The following TRAPPC9 variants were observed in gnomAD, a reference collection of about 807,000 sequenced individuals.
TRAPPC9 encodes the protein trafficking protein particle complex subunit 9.
A neutral mutation model predicts 124.0 loss-of-function variants in TRAPPC9; 83 were observed. That is an observed-to-expected ratio of 0.67 (90% confidence interval 0.56 to 0.80). The LOEUF is 0.80. TRAPPC9 is among the 30% of genes least tolerant of loss of function. The probability of loss-of-function intolerance (pLI) is 0.00; values close to 1 mark genes in which losing one functional copy is unlikely to be tolerated. For synonymous variants in TRAPPC9, 638 were observed against 617.5 expected (o/e 1.03, Z -0.49); for missense variants, 1,302 against 1,508.3 (o/e 0.86, Z 2.27).
chr8:140,307,150 G>A (rs990728573), intron 10 of TRAPPC9, among the ~76,000 whole-genome samples: 8 of 152,186 alleles, frequency 5.3e-5, no homozygotes, highest in Non-Finnish European at 1.0e-4. Flanking sequence ...TCCTTTACAG[G>A]TGTTACTAAA....
At chr8:140,005,034 G>T (rs973142093) in intron 18 of TRAPPC9, among the ~76,000 whole-genome samples, 1 of 152,142 alleles carries the variant, frequency 6.6e-6, no homozygotes, top group African/African-American at 2.4e-5. Context: ...GAAAGCCAGG[G>T]AACCTAATTC....
chr8:140,306,045 C>T (rs955479081), intron 10 of TRAPPC9, among the ~76,000 whole-genome samples: 1 of 152,180 alleles, frequency 6.6e-6, no homozygotes, highest in Admixed American at 6.5e-5. Context: ...TTTCTGAAAC[C>T]TACAGAGATG....
chr8:140,291,138 C>T, intron 11 of TRAPPC9, 60 bp from the exon 12 acceptor site: 1 of 1,478,226 alleles, frequency 6.8e-7, no homozygotes, highest in Non-Finnish European at 9.5e-7. Flanking sequence ...TCACTTTCTA[C>T]ATGGTTTCCA....
At chr8:139,838,268 G>A (rs573507785) in intron 21 of TRAPPC9, among the ~76,000 whole-genome samples, 140 of 152,274 alleles carry the variant, frequency 9.2e-4, no homozygotes, top group South Asian at 1.9e-3. Flanking sequence ...CTGGGCACAC[G>A]CACCTGCCTT....
chr8:140,279,385 G>A (rs1301553820), intron 14 of TRAPPC9, among the ~76,000 whole-genome samples: 1 of 152,162 alleles, frequency 6.6e-6, no homozygotes, highest in Non-Finnish European at 1.5e-5. Flanking sequence ...TAATGAATCA[G>A]TCACTGGAAT....
chr8:139,740,154 G>C (rs967563652), intron 21 of TRAPPC9, among the ~76,000 whole-genome samples: 36 of 152,174 alleles, frequency 2.4e-4, no homozygotes, highest in Non-Finnish European at 4.9e-4. Context: ...GAATCTCCTG[G>C]GAGCCAATCA....
chr8:140,310,870 G>A (rs1333173428), intron 10 of TRAPPC9, among the ~76,000 whole-genome samples: 1 of 152,058 alleles, frequency 6.6e-6, no homozygotes, highest in African/African-American at 2.4e-5. Flanking sequence ...GTTCCCGTGT[G>A]GCTGGGGTGC....
At chr8:140,118,245 C>T (rs541586783) in intron 17 of TRAPPC9, among the ~76,000 whole-genome samples, 1 of 152,336 alleles carries the variant, frequency 6.6e-6, no homozygotes, top group South Asian at 2.1e-4. Context: ...GGGAACCAGA[C>T]AGGAAGTTCA....
chr8:139,826,476 C>T (rs75733960), intron 21 of TRAPPC9, among the ~76,000 whole-genome samples: 22,359 of 152,100 alleles, frequency 0.15, 1,690 homozygotes, highest in Admixed American at 0.2. Flanking sequence ...AGGGTCGGTG[C>T]CTGGGGGGAA....
At chr8:139,751,167 C>T (rs1393866047) in intron 21 of TRAPPC9, among the ~76,000 whole-genome samples, 1 of 152,212 alleles carries the variant, frequency 6.6e-6, no homozygotes, top group Non-Finnish European at 1.5e-5. Flanking sequence ...AGTCAGCCCA[C>T]CCAGCCACAG....
At position 140,104,491 on chromosome 8, in the gene TRAPPC9, A is replaced by AT; in HGVS notation, c.2557-80413dup. ...GGGCACTCATGATCTTAGACAAATA[A>AT]TATGCAAGTAGTATGATGGCACGAT... On this transcript the variant is annotated intron_variant, in intron 17 of 22. Transcript: ENST00000438773. This position sits in a 1 kb window ranked among gnomAD's most constrained non-coding sequence, Gnocchi z 4.0. Among the ~76,000 whole-genome samples, 1 of 152,284 alleles carries AT rather than the reference A, an allele frequency of 6.6e-6. No homozygotes were observed. The highest frequency in any genetic ancestry group is 2.1e-4 in the South Asian group (1 of 4,820).
In TRAPPC9 at chr8:140,157,178, A is replaced by AG. The variant is rs1259777551; in HGVS notation, c.2556+64280_2556+64281insC. On this transcript the variant is annotated intron_variant, in intron 17 of 22. Transcript: ENST00000438773. ...ATTCAGAAGCCTCCCTTTTCCATTC[A>AG]AAAGCCTCCCTTTTCCATTCAAAAG... Among the ~76,000 whole-genome samples, 12 of 99,272 alleles carry AG rather than the reference A, an allele frequency of 1.2e-4. 1 individual carries two copies. The highest frequency in any genetic ancestry group is 1.7e-4 in the Non-Finnish European group (9 of 51,726). The allele number at this position is 99,272 out of a possible 152,430, so 65.1% of individuals were successfully genotyped here.
intron 17 of TRAPPC9, among the ~76,000 whole-genome samples, chr8:140,056,808 A>G (rs1194821185): frequency 6.6e-6 from 1 of 152,212 alleles, no homozygotes; most frequent in East Asian, 1.9e-4. Flanking sequence ...AAAACCAGAC[A>G]AAATGAACTA....
chr8:140,279,213 T>C (rs1301786173), intron 14 of TRAPPC9, among the ~76,000 whole-genome samples: 1 of 152,178 alleles, frequency 6.6e-6, no homozygotes, highest in African/African-American at 2.4e-5. Flanking sequence ...CAAATTTGAC[T>C]CTAGTTAGTC....
At position 140,121,695 on chromosome 8, in the gene TRAPPC9, T is replaced by C. The variant is rs115791212; in HGVS notation, c.2557-97616A>G. On this transcript the variant is annotated intron_variant, in intron 17 of 22. Coordinates refer to ENST00000438773, the MANE Select transcript of TRAPPC9 (RefSeq NM_001160372.4). ...GTCTATCCTATTGTAAACTCAACTA[T>C]AGGCCCTTTGATGAAAAATCAGTGG... Among the ~76,000 whole-genome samples, 936 of 152,354 alleles carry C rather than the reference T, an allele frequency of 6.1e-3. 14 individuals carry two copies. The highest frequency in any genetic ancestry group is 0.021 in the African/African-American group (891 of 41,580).
At chr8:139,772,389 G>A (rs993092446) in intron 21 of TRAPPC9, among the ~76,000 whole-genome samples, 2 of 152,188 alleles carry the variant, frequency 1.3e-5, no homozygotes, top group African/African-American at 2.4e-5. Flanking sequence ...ATGAGGAGAT[G>A]GGGGCTGGGG....
chr8:140,195,628 C>T (rs1251140445), intron 17 of TRAPPC9, among the ~76,000 whole-genome samples: 1 of 151,516 alleles, frequency 6.6e-6, no homozygotes, highest in African/African-American at 2.4e-5. Context: ...CTGTACAGCT[C>T]GCACCTGTGA....
At chr8:140,223,606 A>G (rs534566720) in intron 16 of TRAPPC9, among the ~76,000 whole-genome samples, 5 of 152,364 alleles carry the variant, frequency 3.3e-5, no homozygotes, top group African/African-American at 1.2e-4. Context: ...TTGTGATAAG[A>G]TGAAGAGTAT....
chr8:140,427,730 G>A (rs992671081), intron 4 of TRAPPC9, among the ~76,000 whole-genome samples: 2 of 152,178 alleles, frequency 1.3e-5, no homozygotes, highest in African/African-American at 4.8e-5. Context: ...AATAGCACAT[G>A]TATTCAATTG....
Sources: gnomAD v4.1 joint callset for allele counts (sites outside exome capture counted in the v4.1 genomes callset) on GRCh38, gnomAD v4.1.1 for gene constraint, Gnocchi (gnomAD v3.1) non-coding constraint, MANE v1.5 for transcripts, NCBI Gene and HGNC (gene_info 2026-07-23, HGNC 2026-07-21) for gene names.